Variants in SMYD3 observed in about 807,000 individuals in gnomAD.
SMYD3 encodes the protein histone-lysine N-methyltransferase SMYD3.
In SMYD3, 36 loss-of-function variants were observed where a neutral mutation model predicts 57.7. The ratio of observed to expected loss-of-function variants is 0.62; its 90% CI spans 0.48 to 0.82. SMYD3 has a LOEUF of 0.82. SMYD3 is among the 40% of genes least tolerant of loss of function. SMYD3 has a pLI of 0.00. For missense variants in SMYD3, 515 were observed against 538.8 expected (o/e 0.96, Z 0.44); for synonymous variants, 211 against 195.0 (o/e 1.08, Z -0.68).
intron 1 of SMYD3, among the ~76,000 whole-genome samples, chr1:246,440,358 T>C (rs962441796): frequency 6.6e-6 from 1 of 152,162 alleles, no homozygotes; most frequent in African/African-American, 2.4e-5. Context: ...ACTTACCGTT[T>C]GCCAAGCACG....
chr1:245,764,348 G>A (rs1170398970), intron 10 of SMYD3, among the ~76,000 whole-genome samples, 199 bp from the exon 11 acceptor site: 1 of 148,060 alleles, frequency 6.8e-6, no homozygotes, highest in South Asian at 2.2e-4. Context: ...CTCAGAATGT[G>A]TTTTGTGTTA....
chr1:245,944,524 A>G (rs754556767), intron 5 of SMYD3, among the ~76,000 whole-genome samples: 1 of 152,248 alleles, frequency 6.6e-6, no homozygotes, highest in African/African-American at 2.4e-5. Flanking sequence ...TTCCATGCTC[A>G]TAGATAGGAG....
chr1:246,200,810 C>T (rs1176338309), intron 5 of SMYD3, among the ~76,000 whole-genome samples: 1 of 152,098 alleles, frequency 6.6e-6, no homozygotes, highest in Non-Finnish European at 1.5e-5. Flanking sequence ...TTTCTAGAGC[C>T]GAAAATGAAG....
At chr1:246,066,706 CT>C (rs1432652200) in intron 5 of SMYD3, among the ~76,000 whole-genome samples, 1 of 152,168 alleles carries the variant, frequency 6.6e-6, no homozygotes, top group Admixed American at 6.5e-5. Flanking sequence ...TTGTAATCTG[CT>C]CCTTGTGTGT....
intron 5 of SMYD3, among the ~76,000 whole-genome samples, chr1:246,165,147 G>T (rs1445289388): frequency 6.6e-6 from 1 of 152,248 alleles, no homozygotes; most frequent in Non-Finnish European, 1.5e-5. Flanking sequence ...CCGGAGGATT[G>T]AGCAACATGG....
intron 8 of SMYD3, among the ~76,000 whole-genome samples, chr1:245,896,861 G>A (rs1558470449): frequency 6.7e-6 from 1 of 148,284 alleles, no homozygotes; most frequent in Non-Finnish European, 1.5e-5. Context: ...GCTTGGGGGA[G>A]GCAAAACTAC....
At chr1:246,119,968 G>A (rs1347491850) in intron 5 of SMYD3, among the ~76,000 whole-genome samples, 1 of 152,152 alleles carries the variant, frequency 6.6e-6, no homozygotes, top group Admixed American at 6.5e-5. Flanking sequence ...AGTGACCCAG[G>A]AGCCTTCAGA....
At chr1:245,768,306 C>T (rs537137880) in intron 10 of SMYD3, among the ~76,000 whole-genome samples, 3 of 152,160 alleles carry the variant, frequency 2.0e-5, no homozygotes, top group Non-Finnish European at 4.4e-5. Context: ...GAAATGTACA[C>T]ACCAGCTTTA....
intron 5 of SMYD3, among the ~76,000 whole-genome samples, chr1:246,155,632 T>C (rs1311698857): frequency 6.6e-6 from 1 of 152,178 alleles, no homozygotes; most frequent in Non-Finnish European, 1.5e-5. Context: ...ATGCTGGCAA[T>C]ACAGAAGTGA....
intron 5 of SMYD3, among the ~76,000 whole-genome samples, chr1:246,208,989 T>A (rs1396992243): frequency 6.6e-6 from 1 of 152,170 alleles, no homozygotes; most frequent in East Asian, 1.9e-4. Flanking sequence ...CTGTTGAGTA[T>A]AGTCTGAAAT....
At position 246,410,758 on chromosome 1, in the gene SMYD3, C is replaced by T. The variant is rs1187949118; in HGVS notation, c.165-55664G>A. Among the ~76,000 whole-genome samples the T allele has an allele frequency of 1.3e-4, 20 of 152,166 alleles. 1 individual carries two copies. The highest frequency in any genetic ancestry group is 4.8e-4 in the African/African-American group (20 of 41,514). On this transcript the variant is annotated intron_variant, in intron 1 of 11. Coordinates refer to ENST00000490107, the MANE Select transcript of SMYD3 (RefSeq NM_001167740.2). The stretch of plus-strand genomic sequence containing the variant: ...TCAGAAGGAATGGTACCAGCTCCTC[C>T]TTGTACCTCTGGTAGAATTCGGCTG...
intron 8 of SMYD3, among the ~76,000 whole-genome samples, chr1:245,866,327 T>C (rs952990620): frequency 2.6e-5 from 4 of 151,706 alleles, no homozygotes; most frequent in Admixed American, 6.6e-5. Context: ...CTGTGTGATA[T>C]AGTAGAGTGG....
chr1:245,786,438 G>A (rs1572333868), intron 10 of SMYD3, among the ~76,000 whole-genome samples: 1 of 152,038 alleles, frequency 6.6e-6, no homozygotes, highest in Non-Finnish European at 1.5e-5. Flanking sequence ...TCCAAGAGGC[G>A]AGGTGATTTG....
At chr1:245,828,740 C>T (rs1019763746) in intron 10 of SMYD3, among the ~76,000 whole-genome samples, 5 of 148,990 alleles carry the variant, frequency 3.4e-5, no homozygotes, top group South Asian at 2.1e-4. Flanking sequence ...GGTCTCATGT[C>T]GCCCAGGCTG....
intron 5 of SMYD3, among the ~76,000 whole-genome samples, chr1:245,993,427 G>A (rs188670994): frequency 4.6e-5 from 7 of 152,170 alleles, no homozygotes; most frequent in Admixed American, 2.0e-4. Context: ...AAGAAACCAC[G>A]TTTAAAAAAT....
intron 5 of SMYD3, among the ~76,000 whole-genome samples, chr1:246,209,884 G>C (rs72774441): frequency 0.15 from 23,317 of 152,144 alleles, 2,380 homozygotes; most frequent in East Asian, 0.34. Flanking sequence ...GAGGCAACCT[G>C]GGAGGGAACA....
chr1:246,234,794 A>G (rs1280869074), intron 5 of SMYD3, among the ~76,000 whole-genome samples: 1 of 152,242 alleles, frequency 6.6e-6, no homozygotes, highest in Non-Finnish European at 1.5e-5. Flanking sequence ...TACAGCTTAG[A>G]CAAGAAACCT....
At chr1:245,791,735 G>A (rs2047279316) in intron 10 of SMYD3, among the ~76,000 whole-genome samples, 1 of 152,168 alleles carries the variant, frequency 6.6e-6, no homozygotes, top group Non-Finnish European at 1.5e-5. Flanking sequence ...GCTAGATTGT[G>A]TCTGATACGC....
intron 2 of SMYD3, among the ~76,000 whole-genome samples, chr1:246,343,009 T>C (rs2065655877): frequency 6.6e-6 from 1 of 152,236 alleles, no homozygotes; most frequent in Admixed American, 6.5e-5. Flanking sequence ...TTAGTAAAAT[T>C]GTACATTACA....
Sources: allele counts gnomAD v4.1 joint callset (sites outside exome capture counted in the v4.1 genomes callset), GRCh38; gene constraint gnomAD v4.1.1; transcripts MANE v1.5; gene names NCBI Gene and HGNC (gene_info 2026-07-23, HGNC 2026-07-21).